KCNH1: variants seen among roughly 807,000 people sequenced by gnomAD.
The protein encoded by KCNH1 is voltage-gated delayed rectifier potassium channel KCNH1.
KCNH1 carries 27 observed loss-of-function variants against 69.2 expected under a neutral mutation model. That is an observed-to-expected ratio of 0.39 (90% CI 0.29 to 0.54). The LOEUF is 0.54. Among genes scored for constraint, KCNH1 ranks in the 20% least tolerant of loss-of-function variants. The pLI is 0.68. For synonymous variants in KCNH1, 456 were observed against 487.7 expected, an observed-to-expected ratio of 0.93 and a Z score of 0.86; for missense variants, 798 against 1,261.6, an observed-to-expected ratio of 0.63 and a Z score of 5.57.
intron 10 of KCNH1, among the ~76,000 whole-genome samples, chr1:210,716,300 T>A (rs1041282265): frequency 7.2e-5 from 11 of 151,728 alleles, no homozygotes; most frequent in Non-Finnish European, 1.5e-4. Flanking sequence ...AGCATGGTGG[T>A]GGGCATCTGT....
At chr1:210,937,654 T>A (rs940011351) in intron 6 of KCNH1, among the ~76,000 whole-genome samples, 1 of 152,212 alleles carries the variant, frequency 6.6e-6, no homozygotes, top group African/African-American at 2.4e-5. Context: ...TATACTCCTG[T>A]TACTCATTCT....
At chr1:210,883,553 C>G (rs1197227677) in intron 7 of KCNH1, among the ~76,000 whole-genome samples, 1 of 152,230 alleles carries the variant, frequency 6.6e-6, no homozygotes, top group Non-Finnish European at 1.5e-5. Flanking sequence ...AATATTGACT[C>G]CACCATTTAC....
At chr1:210,850,270 A>C (rs542181194) in intron 7 of KCNH1, among the ~76,000 whole-genome samples, 55 of 152,246 alleles carry the variant, frequency 3.6e-4, no homozygotes, top group Non-Finnish European at 7.4e-4. Context: ...AGGCTGAGGC[A>C]GATGGATCAC....
intron 6 of KCNH1, among the ~76,000 whole-genome samples, chr1:210,936,404 C>T (rs1469293383): frequency 6.6e-6 from 1 of 152,174 alleles, no homozygotes; most frequent in Admixed American, 6.5e-5. Flanking sequence ...CCTGCTTTTT[C>T]CCTCTTCTCC....
At chr1:210,777,673 T>C (rs1683888976) in intron 9 of KCNH1, among the ~76,000 whole-genome samples, 1 of 152,222 alleles carries the variant, frequency 6.6e-6, no homozygotes, top group African/African-American at 2.4e-5. Context: ...CTGCCCACAA[T>C]GGCTCATGCA....
intron 7 of KCNH1, among the ~76,000 whole-genome samples, chr1:210,856,095 G>A (rs1685829200): frequency 6.6e-6 from 1 of 152,098 alleles, no homozygotes; most frequent in South Asian, 2.1e-4. Flanking sequence ...TCTCAACTGA[G>A]CCTGTTATAG....
chr1:211,103,162 C>G (rs76512810), intron 3 of KCNH1, among the ~76,000 whole-genome samples: 1 of 152,210 alleles, frequency 6.6e-6, no homozygotes, highest in Non-Finnish European at 1.5e-5. Context: ...GAATTTCTGT[C>G]TCATCTTCTC....
At chr1:210,868,289 T>A (rs1239930493) in intron 7 of KCNH1, among the ~76,000 whole-genome samples, 2 of 152,018 alleles carry the variant, frequency 1.3e-5, no homozygotes, top group Non-Finnish European at 2.9e-5. Flanking sequence ...ATTTAAAAAA[T>A]TTATTTTTAA....
At chr1:211,084,312 G>T (rs988506972) in intron 4 of KCNH1, among the ~76,000 whole-genome samples, 1 of 152,128 alleles carries the variant, frequency 6.6e-6, no homozygotes, top group African/African-American at 2.4e-5. Flanking sequence ...AAAGCTTTTC[G>T]AGAAGAGCAG....
At chr1:210,813,325 C>T (rs1196468024) in intron 7 of KCNH1, among the ~76,000 whole-genome samples, 1 of 152,148 alleles carries the variant, frequency 6.6e-6, no homozygotes, top group Non-Finnish European at 1.5e-5. Flanking sequence ...TGCACAGAGG[C>T]CTTCAAAGGA....
intron 7 of KCNH1, among the ~76,000 whole-genome samples, chr1:210,838,615 A>G (rs925745003): frequency 7.2e-5 from 11 of 152,210 alleles, no homozygotes; most frequent in Non-Finnish European, 1.6e-4. Flanking sequence ...AGAAACTATC[A>G]ACAGAGTAAA....
At chr1:210,851,729 T>C (rs1011062316) in intron 7 of KCNH1, among the ~76,000 whole-genome samples, 2 of 152,218 alleles carry the variant, frequency 1.3e-5, no homozygotes, top group African/African-American at 4.8e-5. Context: ...GTACGCCTTG[T>C]TACTGTACTA....
chr1:211,067,552 T>C (rs1463533739), intron 5 of KCNH1, among the ~76,000 whole-genome samples: 4 of 152,208 alleles, frequency 2.6e-5, no homozygotes, highest in Non-Finnish European at 5.9e-5. Context: ...TTTTCACAGG[T>C]GTTAGCTCTG....
At chr1:211,004,792 G>C (rs1689247676) in intron 6 of KCNH1, among the ~76,000 whole-genome samples, 1 of 151,992 alleles carries the variant, frequency 6.6e-6, no homozygotes, top group African/African-American at 2.4e-5. Context: ...TTAAGGGATA[G>C]AAAAATATAC....
intron 10 of KCNH1, 59 bp from the exon 11 acceptor site, chr1:210,684,197 C>T: frequency 1.4e-6 from 2 of 1,455,988 alleles, no homozygotes; most frequent in Non-Finnish European, 9.0e-7. Flanking sequence ...GCTGCAGCAG[C>T]CCAGCTCAGC....
chr1:210,758,867 C>T (rs1213412733), intron 10 of KCNH1, among the ~76,000 whole-genome samples: 2 of 152,178 alleles, frequency 1.3e-5, no homozygotes, highest in East Asian at 3.9e-4. Flanking sequence ...CATGCTTCTC[C>T]CTTGCCTCTG....
intron 6 of KCNH1, among the ~76,000 whole-genome samples, 158 bp downstream of exon 6, chr1:211,018,625 A>G (rs973236883): frequency 3.9e-5 from 6 of 152,184 alleles, no homozygotes; most frequent in Admixed American, 6.5e-5. Context: ...CCGCCAAAGG[A>G]TGGGAACAGC....
intron 6 of KCNH1, among the ~76,000 whole-genome samples, chr1:210,953,546 C>A (rs1688103475): frequency 6.6e-6 from 1 of 152,164 alleles, no homozygotes; most frequent in African/African-American, 2.4e-5. Flanking sequence ...ATTTCCATAG[C>A]CCTCGTCTTC....
At chr1:211,089,216 G>T (rs1339171212) in intron 4 of KCNH1, among the ~76,000 whole-genome samples, 1 of 152,140 alleles carries the variant, frequency 6.6e-6, no homozygotes, top group Non-Finnish European at 1.5e-5. Context: ...AAAGCAACTG[G>T]CCTTTCTATA....
Sources: gnomAD v4.1 joint callset for allele counts (sites outside exome capture counted in the v4.1 genomes callset) on GRCh38, gnomAD v4.1.1 for gene constraint, MANE v1.5 for transcripts, NCBI Gene and HGNC (gene_info 2026-07-23, HGNC 2026-07-21) for gene names.